The following GCNT2 variants were observed in gnomAD, a reference collection of about 807,000 sequenced individuals.
The protein encoded by GCNT2 is N-acetyllactosaminide beta-1,6-N-acetylglucosaminyl-transferase.
A neutral mutation model predicts 34.2 loss-of-function variants in GCNT2; 34 were observed. The ratio of observed to expected loss-of-function variants is 1.00; its 90% confidence interval spans 0.76 to 1.32. The LOEUF is 1.32. GCNT2 is among the 40% of genes most tolerant of loss of function. The probability of loss-of-function intolerance (pLI) is 0.00; values close to 1 mark genes in which losing one functional copy is unlikely to be tolerated. For missense variants in GCNT2, 584 were observed against 489.4 expected (o/e 1.19, Z -1.82); for synonymous variants, 212 against 188.0 (o/e 1.13, Z -1.04).
intron 3 of GCNT2, chr6:10,619,057 T>C (rs1765917329): frequency 6.6e-6 from 1 of 152,198 alleles, no homozygotes; most frequent in Admixed American, 6.5e-5. Flanking sequence ...TCTTCTGATC[T>C]TCTGAAAATG....
At chr6:10,620,105 A>G (rs1000106410) in intron 3 of GCNT2, among the ~76,000 whole-genome samples, 13 of 152,152 alleles carry the variant, frequency 8.5e-5, no homozygotes, top group Admixed American at 7.9e-4. Flanking sequence ...GTAAAATAAC[A>G]TATTCTCAGG....
intron 3 of GCNT2, among the ~76,000 whole-genome samples, chr6:10,532,230 G>GA (rs992560331): frequency 1.3e-5 from 2 of 152,232 alleles, no homozygotes; most frequent in East Asian, 3.9e-4. Flanking sequence ...AAACTTAAGG[G>GA]AAACCCCCTG....
chr6:10,595,916 G>C (rs1764832402), intron 3 of GCNT2, among the ~76,000 whole-genome samples: 1 of 152,078 alleles, frequency 6.6e-6, no homozygotes, highest in Non-Finnish European at 1.5e-5. Context: ...TCATCAACTT[G>C]TTATGCAAAC....
chr6:10,557,505 T>G (rs1033273881), intron 3 of GCNT2, among the ~76,000 whole-genome samples: 5 of 149,554 alleles, frequency 3.3e-5, no homozygotes, highest in Non-Finnish European at 6.0e-5. Context: ...TTTTTTTTTT[T>G]GAGACTGGAT....
chr6:10,564,260 C>T (rs1399531972), intron 3 of GCNT2, among the ~76,000 whole-genome samples: 1 of 152,108 alleles, frequency 6.6e-6, no homozygotes, highest in Non-Finnish European at 1.5e-5. Flanking sequence ...AGTAATGTGC[C>T]CTGTTCCAAA....
chr6:10,561,466 C>G (rs1762978369), intron 3 of GCNT2, among the ~76,000 whole-genome samples: 1 of 152,226 alleles, frequency 6.6e-6, no homozygotes, highest in Non-Finnish European at 1.5e-5. Flanking sequence ...CTGGCTTTTG[C>G]AGCATTTTCA....
chr6:10,536,900 G>T (rs1248505559), intron 3 of GCNT2, among the ~76,000 whole-genome samples: 5 of 151,686 alleles, frequency 3.3e-5, no homozygotes, highest in Non-Finnish European at 7.4e-5. Flanking sequence ...TGAGTAGCTG[G>T]GACTACAGGC....
At chr6:10,541,600 CA>C (rs1762039247) in intron 3 of GCNT2, among the ~76,000 whole-genome samples, 1 of 152,096 alleles carries the variant, frequency 6.6e-6, no homozygotes, top group African/African-American at 2.4e-5. Flanking sequence ...GGGAAGTTAG[CA>C]GAGTTATTTT....
At chr6:10,611,200 A>C (rs1765534763) in intron 3 of GCNT2, among the ~76,000 whole-genome samples, 1 of 151,214 alleles carries the variant, frequency 6.6e-6, no homozygotes. Context: ...TGGGCAACAT[A>C]GTGAGAGGAG....
At position 10,560,656 on chromosome 6, in the gene GCNT2, A is replaced by G. The variant is rs892409278; in HGVS notation, c.925+30820A>G. ...TAGAATTAGATGGTTTCAGAAAACA[A>G]AGTGAAAATCGGTTCGAATTGGCGA... On this transcript the variant is annotated intron_variant, in intron 3 of 4. Transcript: ENST00000495262. Among the ~76,000 whole-genome samples, 6 of 152,204 alleles carry G rather than the reference A, an allele frequency of 3.9e-5. No individual in the cohort carries two copies. The East Asian group carries it at 7.7e-4, about 20-fold the overall frequency.
intron 3 of GCNT2, among the ~76,000 whole-genome samples, chr6:10,572,249 AATG>A (rs1431148857): frequency 2.0e-5 from 3 of 152,178 alleles, no homozygotes; most frequent in East Asian, 1.9e-4. Context: ...CTGGAAAAAA[AATG>A]ATCCTTGAAA....
intron 3 of GCNT2, among the ~76,000 whole-genome samples, chr6:10,570,686 T>TG (rs1447568559): frequency 2.0e-5 from 3 of 152,200 alleles, no homozygotes; most frequent in East Asian, 1.9e-4. Flanking sequence ...TCAAGCTCTT[T>TG]GGGGGGCCTA....
chr6:10,619,595 C>T (rs1240807504), intron 3 of GCNT2: 2 of 152,248 alleles, frequency 1.3e-5, no homozygotes, highest in Non-Finnish European at 2.9e-5. Context: ...CTCAAGCAAT[C>T]CTCCCACCTC....
At chr6:10,528,264 A>G (rs1761297642) in intron 2 of GCNT2, 1 of 156,666 alleles carries the variant, frequency 6.4e-6, no homozygotes, top group South Asian at 1.9e-4. Flanking sequence ...CATGTCGTAT[A>G]GCATACCCAG....
intron 3 of GCNT2, among the ~76,000 whole-genome samples, chr6:10,615,626 T>C (rs935761003): frequency 2.0e-5 from 3 of 152,166 alleles, no homozygotes; most frequent in South Asian, 2.1e-4. Flanking sequence ...TGCAAAAGAA[T>C]GAATTCAGGG....
At chr6:10,582,178 A>G (rs1467214995) in intron 3 of GCNT2, among the ~76,000 whole-genome samples, 1 of 133,238 alleles carries the variant, frequency 7.5e-6, no homozygotes, top group East Asian at 2.0e-4. Context: ...TATTTTATAT[A>G]AAATATATTT....
At chr6:10,600,879 C>G (rs902504739) in intron 3 of GCNT2, among the ~76,000 whole-genome samples, 1 of 152,086 alleles carries the variant, frequency 6.6e-6, no homozygotes, top group Non-Finnish European at 1.5e-5. Flanking sequence ...CAGCCTCCAC[C>G]TCCCAGGCTT....
intron 3 of GCNT2, among the ~76,000 whole-genome samples, chr6:10,575,999 A>G (rs1271084051): frequency 1.3e-5 from 2 of 152,146 alleles, no homozygotes; most frequent in African/African-American, 4.8e-5. Context: ...TGAAATAAAC[A>G]GCCATGTTGC....
chr6:10,604,879 G>GAA (rs59905627), intron 3 of GCNT2, among the ~76,000 whole-genome samples: 65,946 of 148,256 alleles, frequency 0.44, 16,611 homozygotes, highest in East Asian at 0.63. Flanking sequence ...AAAAGAAAAA[G>GAA]AAAGAAAAAT....
Sources: allele counts gnomAD v4.1 joint callset (sites outside exome capture counted in the v4.1 genomes callset), GRCh38; gene constraint gnomAD v4.1.1; transcripts MANE v1.5; gene names NCBI Gene and HGNC (gene_info 2026-07-23, HGNC 2026-07-21).